ASTN1: variants seen among roughly 807,000 people sequenced by gnomAD.
ASTN1 encodes the protein astrotactin-1.
Under a neutral mutation model 140.7 loss-of-function variants are expected in ASTN1, and 41 were observed. The observed-to-expected ratio is 0.29, with a 90% CI of 0.23 to 0.38. ASTN1 has a LOEUF of 0.38. Among genes scored for constraint, ASTN1 ranks in the 10% least tolerant of loss-of-function variants. ASTN1 has a pLI of 1.00. For synonymous variants in ASTN1, 640 were observed against 652.2 expected (o/e 0.98, Z 0.29); for missense variants, 1,479 against 1,678.8 (o/e 0.88, Z 2.08).
intron 21 of ASTN1, 44 bp from the exon 22 acceptor site, chr1:176,869,071 A>ACATT: frequency 7.6e-7 from 1 of 1,320,134 alleles, no homozygotes. Context: ...ACATATATAT[A>ACATT]ATAATGTATA....
intron 15 of ASTN1, chr1:176,935,990 G>A (rs560335653): frequency 2.2e-4 from 109 of 493,286 alleles, no homozygotes; most frequent in Middle Eastern, 1.7e-3. Flanking sequence ...CATACTGGAT[G>A]AGCCCAGGAA....
rs78334915 is a variant in ASTN1 at position 176,922,298 on chromosome 1, G to A, written c.2671+11854C>T. Among the ~76,000 whole-genome samples, 804 of 151,762 alleles carry A rather than the reference G, an allele frequency of 5.3e-3. 10 individuals are homozygous for A. Among genetic ancestry groups the A allele is most frequent in the African/African-American group, 0.018 (749 of 41,070 alleles). On this transcript the variant is annotated intron_variant, in intron 16 of 22. Transcript: ENST00000361833. ...CTGCACCTGCATTTGTATGCAGCCT[G>A]TGGAACCAGCCGTGCAGACTTTGAA...
At chr1:177,093,928 TATGTTTTGGGTTCAG>T (rs1173630997) in intron 1 of ASTN1, among the ~76,000 whole-genome samples, 1 of 152,138 alleles carries the variant, frequency 6.6e-6, no homozygotes, top group Non-Finnish European at 1.5e-5. Flanking sequence ...TTTTGGGGCT[TATGTTTTGGGTTCAG>T]ATCTACATAT....
intron 1 of ASTN1, among the ~76,000 whole-genome samples, chr1:177,119,445 C>T (rs769895636): frequency 5.7e-4 from 87 of 152,326 alleles, no homozygotes; most frequent in African/African-American, 1.6e-3. Flanking sequence ...GCACTAGCTC[C>T]GGAGTGGGCT....
chr1:177,007,730 C>T (rs1675068609), intron 8 of ASTN1, among the ~76,000 whole-genome samples: 1 of 152,176 alleles, frequency 6.6e-6, no homozygotes, highest in Non-Finnish European at 1.5e-5. Flanking sequence ...GTTCTTTTAT[C>T]ATCCTGAGTA....
At chr1:176,895,572 G>A (rs35053121) in intron 16 of ASTN1, among the ~76,000 whole-genome samples, 8,196 of 152,236 alleles carry the variant, frequency 0.054, 283 homozygotes, top group African/African-American at 0.097. Flanking sequence ...GATGGGAAGG[G>A]AATTTTGACT....
chr1:177,005,167 G>A (rs1268105694), intron 8 of ASTN1, among the ~76,000 whole-genome samples: 1 of 151,924 alleles, frequency 6.6e-6, no homozygotes, highest in Admixed American at 6.6e-5. Flanking sequence ...TTAAAAAATA[G>A]GCAAAGGACA....
At chr1:177,025,687 C>G (rs1230484005) in intron 5 of ASTN1, among the ~76,000 whole-genome samples, 2 of 151,916 alleles carry the variant, frequency 1.3e-5, no homozygotes, top group African/African-American at 2.4e-5. Flanking sequence ...TTTTACGTAC[C>G]TTATTTTATT....
At chr1:177,072,990 A>G (rs1458838340) in intron 1 of ASTN1, among the ~76,000 whole-genome samples, 1 of 152,234 alleles carries the variant, frequency 6.6e-6, no homozygotes, top group African/African-American at 2.4e-5. Context: ...GATGTGTAAG[A>G]GCACGTCCCA....
At chr1:177,131,209 TC>T in intron 1 of ASTN1, among the ~76,000 whole-genome samples, 1 of 152,308 alleles carries the variant, frequency 6.6e-6, no homozygotes, top group Admixed American at 6.5e-5. Context: ...GGTAATATGT[TC>T]CAAGAACTTT....
At chr1:176,926,054 G>T (rs11590855) in intron 16 of ASTN1, among the ~76,000 whole-genome samples, 2 of 151,980 alleles carry the variant, frequency 1.3e-5, no homozygotes, top group Admixed American at 6.5e-5. Context: ...TGATCTGTCC[G>T]CCTTGGCCTC....
At chr1:176,920,663 C>T (rs1670687616) in intron 16 of ASTN1, among the ~76,000 whole-genome samples, 2 of 152,174 alleles carry the variant, frequency 1.3e-5, no homozygotes, top group Non-Finnish European at 1.5e-5. Flanking sequence ...TCCTGCTTCT[C>T]CCATGGGTTC....
At chr1:176,922,821 T>A (rs1220518090) in intron 16 of ASTN1, among the ~76,000 whole-genome samples, 2 of 152,194 alleles carry the variant, frequency 1.3e-5, no homozygotes, top group African/African-American at 4.8e-5. Flanking sequence ...AACATCCTTT[T>A]TAAATTTTTA....
intron 8 of ASTN1, among the ~76,000 whole-genome samples, chr1:176,985,901 G>T (rs1345054920): frequency 1.7e-5 from 2 of 114,892 alleles, no homozygotes; most frequent in Non-Finnish European, 3.6e-5. Context: ...CACACAGACA[G>T]CCTTTTCCTC....
Position 176,957,537 on chromosome 1 carries a change from G to A in ASTN1, c.1887+141C>T, listed in dbSNP as rs1387473011. On this transcript the variant is annotated intron_variant, in intron 11 of 22. Coordinates refer to ENST00000361833, the MANE Select transcript of ASTN1 (RefSeq NM_004319.3). ...GATTACCTTCTCATCCTTATCAAGA[G>A]AAAATCCCTAATTTACACTAAATGG... The A allele has an allele frequency of 2.7e-6, 3 of 1,127,538 alleles. No individual in the cohort carries two copies. The Admixed American group carries it at 8.4e-5, about 32-fold the overall frequency. The allele number at this position is 1,127,538 out of a possible 1,614,324, so 69.8% of individuals were successfully genotyped here.
At position 177,117,107 on chromosome 1, in the gene ASTN1, C is replaced by G. The variant is rs138796436; in HGVS notation, c.283+47287G>C. 3.5e-4 allele frequency among the ~76,000 whole-genome samples: 53 copies of G among 152,218 alleles called. 2 individuals are homozygous for G. Among genetic ancestry groups the G allele is most frequent in the Middle Eastern group, 3.4e-3 (1 of 294 alleles). On this transcript the variant is annotated intron_variant, in intron 1 of 22. Transcript: ENST00000361833. ...CTAGAAGCAAAGCCATTATCTCTCT[C>G]TCCTCCGCCCCTCCCCACCCCCACC... is the stretch of plus-strand genomic sequence containing the variant.
intron 1 of ASTN1, among the ~76,000 whole-genome samples, chr1:177,128,581 A>G (rs944083940): frequency 2.6e-5 from 4 of 152,218 alleles, no homozygotes; most frequent in Admixed American, 1.3e-4. Flanking sequence ...TGCACCAAAT[A>G]TGAGATCTCT....
intron 16 of ASTN1, among the ~76,000 whole-genome samples, chr1:176,900,454 C>A (rs534022581): frequency 5.4e-5 from 8 of 149,196 alleles, no homozygotes; most frequent in African/African-American, 1.9e-4. Flanking sequence ...TGGTGTGTTT[C>A]TCTCTCTCTC....
chr1:176,983,723 A>G (rs227996), intron 8 of ASTN1, among the ~76,000 whole-genome samples: 85,515 of 152,026 alleles, frequency 0.56, 24,467 homozygotes, highest in African/African-American at 0.6. Flanking sequence ...CAACTCACTC[A>G]TCAGCTCAAA....
Sources: gnomAD v4.1 joint callset for allele counts (sites outside exome capture counted in the v4.1 genomes callset) on GRCh38, gnomAD v4.1.1 for gene constraint, MANE v1.5 for transcripts, NCBI Gene and HGNC (gene_info 2026-07-23, HGNC 2026-07-21) for gene names.